Variants in MAN2B2 observed in about 807,000 individuals in gnomAD.
MAN2B2 encodes the protein epididymis-specific alpha-mannosidase.
Under a neutral mutation model 117.1 loss-of-function variants are expected in MAN2B2, and 106 were observed. The ratio of observed to expected loss-of-function variants is 0.90; its 90% CI spans 0.77 to 1.06. The LOEUF is 1.06. Ranked by LOEUF, MAN2B2 falls within the 50% of genes least tolerant of loss-of-function variation. The pLI, the probability that MAN2B2 is intolerant of heterozygous loss-of-function variation, is 0.00. For missense variants in MAN2B2, 1,326 were observed against 1,381.4 expected (o/e 0.96, Z 0.64); for synonymous variants, 544 against 595.1 (o/e 0.91, Z 1.25).
rs1379582248 is a variant in MAN2B2, at chr4:6,593,207, C to G, written c.715C>G (p.Pro239Ala). ...GFYWNGVAVF[P>A]KPPQDGVYPN... The stretch of plus-strand genomic sequence containing the variant: ...TTACTGGAATGGCGTGGCTGTCTTC[C>G]CCAAGCCTCCCCAAGATGGGGTGTA... The change falls in exon 6 of 19, where the codon CCC (proline) becomes GCC (alanine). Residue 239 changes from proline (P) to alanine (A), a missense_variant. Pro to Ala is a conservative substitution (Grantham distance 27). Transcript: ENST00000285599. The G allele has an allele frequency of 5.0e-6, 8 of 1,613,758 alleles. No individual in the cohort carries two copies. The highest frequency in any genetic ancestry group is 5.9e-6 in the Non-Finnish European group (7 of 1,179,894).
chr4:6,611,180 G>C lies in MAN2B2; in HGVS notation c.2465G>C (p.Trp822Ser). The part of the protein sequence containing the change: ...NDTSVVHPVL[W>S]LLLGSWSLTT... ...ACCTCAGTCGTCCACCCAGTGCTCT[G>C]GCTTCTGCTGGGATCCTGGTCCCTC... Residue 822 changes from tryptophan (W) to serine (S), a missense_variant, in exon 15 of 19, where the codon TGG becomes TCG. Physicochemically the swap from Trp to Ser is radical, Grantham distance 177. Coordinates refer to ENST00000285599, the MANE Select transcript of MAN2B2 (RefSeq NM_015274.3). 2 of 1,613,960 alleles carry C rather than the reference G, an allele frequency of 1.2e-6. No homozygotes were observed. The highest frequency in any genetic ancestry group is 2.7e-5 in the African/African-American group (2 of 75,044).
At chr4:6,592,106 A>C (rs1201582442) in intron 5 of MAN2B2, among the ~76,000 whole-genome samples, 3 of 152,210 alleles carry the variant, frequency 2.0e-5, no homozygotes, top group Non-Finnish European at 4.4e-5. Flanking sequence ...CCCTGGGTTC[A>C]AATCCGCACT....
chr4:6,600,012 C>T (rs1727262107), intron 9 of MAN2B2, among the ~76,000 whole-genome samples: 1 of 152,182 alleles, frequency 6.6e-6, no homozygotes. Context: ...GGAAAGTGTC[C>T]CCAGCAGAGG....
intron 11 of MAN2B2, among the ~76,000 whole-genome samples, chr4:6,607,933 C>A (rs1199809005): frequency 2.0e-5 from 3 of 152,254 alleles, no homozygotes; most frequent in Non-Finnish European, 2.9e-5. Context: ...TTCTCGTGGG[C>A]GAGAAGTGGC....
At chr4:6,585,468 T>C (rs1354053275) in intron 3 of MAN2B2, among the ~76,000 whole-genome samples, 2 of 152,086 alleles carry the variant, frequency 1.3e-5, no homozygotes, top group Non-Finnish European at 2.9e-5. Flanking sequence ...AAGTCTGGGG[T>C]TTTCTTTTTC....
intron 3 of MAN2B2, among the ~76,000 whole-genome samples, chr4:6,579,153 T>C (rs868581178): frequency 0.12 from 2,004 of 17,400 alleles, 139 homozygotes; most frequent in Non-Finnish European, 0.18. Flanking sequence ...ACCACCACCA[T>C]CACCATCACC....
At chr4:6,596,335 G>T (rs942873438) in intron 7 of MAN2B2, among the ~76,000 whole-genome samples, 7 of 152,136 alleles carry the variant, frequency 4.6e-5, no homozygotes, top group Non-Finnish European at 1.0e-4. Context: ...TGACCCACAG[G>T]GTGTGGCCTG....
intron 3 of MAN2B2, among the ~76,000 whole-genome samples, chr4:6,585,675 TA>T (rs1726602775): frequency 6.6e-6 from 1 of 152,220 alleles, no homozygotes; most frequent in South Asian, 2.1e-4. Context: ...AGGAGTGACT[TA>T]GCCAGGGGGT....
chr4:6,584,960 G>A (rs529161555), intron 3 of MAN2B2, among the ~76,000 whole-genome samples: 11 of 152,228 alleles, frequency 7.2e-5, no homozygotes, highest in South Asian at 4.1e-4. Flanking sequence ...GTGCGAGGCC[G>A]TACCCTCCAG....
In MAN2B2 at chr4:6,623,069, C is replaced by T. The variant is rs531090598; in HGVS notation, c.*1784C>T. The T allele has an allele frequency of 6.6e-6, 1 of 151,996 alleles. No homozygotes were observed. Among genetic ancestry groups the T allele is most frequent in the African/African-American group, 2.4e-5 (1 of 41,072 alleles). The allele number at this position is 151,996 out of a possible 1,614,324, so 9.4% of individuals were successfully genotyped here. ...AGGCTTGGTTTCTGTGTCAAGAAGA[C>T]TATGGAGGCTGGGCAGTGGTTCATG... On this transcript the variant is annotated 3_prime_UTR_variant, in exon 19 of 19. Transcript: ENST00000285599.
At chr4:6,601,920 T>G (rs571611631) in intron 10 of MAN2B2, among the ~76,000 whole-genome samples, 1 of 152,168 alleles carries the variant, frequency 6.6e-6, no homozygotes, top group Non-Finnish European at 1.5e-5. Flanking sequence ...TCTGCCCTTG[T>G]AGGAAGACAT....
At chr4:6,605,034 C>A in intron 10 of MAN2B2, 21 bp from the exon 11 acceptor site, 1 of 1,602,640 alleles carries the variant, frequency 6.2e-7, no homozygotes, top group South Asian at 1.1e-5. Context: ...GTTAACAAGT[C>A]TCATCCTGCT....
chr4:6,579,306 ACC>A, intron 3 of MAN2B2, among the ~76,000 whole-genome samples: 1 of 111,740 alleles, frequency 8.9e-6, no homozygotes, highest in Non-Finnish European at 1.9e-5. Flanking sequence ...CACCATCACC[ACC>A]ACCACCACCA....
Position 6,598,738 on chromosome 4 carries a change from C to T in MAN2B2, c.1405+384C>T, listed in dbSNP as rs147111206. ...AGTTATATGCTAGCCCAGGGCCACTCGGGTAGGAAGGAGCAGAGCAGGGAT... is the reference window on the plus strand; with the variant it reads ...AGTTATATGCTAGCCCAGGGCCACTTGGGTAGGAAGGAGCAGAGCAGGGAT... On this transcript the variant is annotated intron_variant, in intron 9 of 18. Coordinates refer to ENST00000285599, the MANE Select transcript of MAN2B2 (RefSeq NM_015274.3). Among the ~76,000 whole-genome samples the T allele has an allele frequency of 6.6e-5, 10 of 152,318 alleles. No individual in the cohort carries two copies. In the East Asian group the frequency reaches 1.4e-3, roughly 21 times the overall value.
intron 6 of MAN2B2, 67 bp from the exon 7 acceptor site, chr4:6,594,467 C>A: frequency 6.6e-7 from 1 of 1,517,960 alleles, no homozygotes; most frequent in African/African-American, 1.4e-5. Context: ...GGGCAGCGAT[C>A]GGCCCACCCC....
intron 3 of MAN2B2, among the ~76,000 whole-genome samples, chr4:6,585,610 C>T (rs1417205008): frequency 6.6e-6 from 1 of 152,162 alleles, no homozygotes; most frequent in African/African-American, 2.4e-5. Context: ...CAAATTGCCC[C>T]CAAACTTCTG....
chr4:6,577,087 C>G (rs1245763069), intron 2 of MAN2B2, among the ~76,000 whole-genome samples: 1 of 152,120 alleles, frequency 6.6e-6, no homozygotes, highest in African/African-American at 2.4e-5. Flanking sequence ...ATCTGCCTGG[C>G]CCCCGGGCCC....
intron 3 of MAN2B2, among the ~76,000 whole-genome samples, chr4:6,579,141 T>TCACCAC (rs1560634525): frequency 1.3e-4 from 3 of 23,970 alleles, no homozygotes; most frequent in Non-Finnish European, 2.6e-4. Flanking sequence ...ACCACCACCA[T>TCACCAC]CACCACCACC....
At chr4:6,593,703 T>C (rs1188865150) in intron 6 of MAN2B2, among the ~76,000 whole-genome samples, 1 of 152,158 alleles carries the variant, frequency 6.6e-6, no homozygotes. Context: ...ATAGGCTTGG[T>C]GAGAGGTGAA....
Sources: allele counts gnomAD v4.1 joint callset (sites outside exome capture counted in the v4.1 genomes callset), GRCh38; gene constraint gnomAD v4.1.1; transcripts MANE v1.5; gene names NCBI Gene and HGNC (gene_info 2026-07-23, HGNC 2026-07-21).